PDLIM5: variants seen among roughly 807,000 people sequenced by gnomAD.
PDLIM5 encodes PDZ and LIM domain 5.
Under a neutral mutation model 64.2 loss-of-function variants are expected in PDLIM5, and 34 were observed. That is an observed-to-expected ratio of 0.53 (90% CI 0.40 to 0.71). The LOEUF (loss-of-function observed/expected upper bound fraction) is 0.71. Ranked by LOEUF, PDLIM5 falls within the 30% of genes least tolerant of loss-of-function variation. PDLIM5 has a pLI of 0.00. For synonymous variants in PDLIM5, 253 were observed against 269.1 expected (o/e 0.94, Z 0.59); for missense variants, 683 against 733.6 (o/e 0.93, Z 0.80).
rs545279046 is a variant in PDLIM5 at position 94,656,066 on chromosome 4, TA to T, written c.1465-1357del. 2.7e-4 allele frequency among the ~76,000 whole-genome samples: 41 copies of T among 152,248 alleles called. No individual in the cohort carries two copies. The South Asian group carries it at 8.5e-3, about 32-fold the overall frequency. On this transcript the variant is annotated intron_variant, in intron 10 of 12. Coordinates refer to ENST00000317968, the MANE Select transcript of PDLIM5 (RefSeq NM_006457.5). ...TTTCATTTTATTTTGATATTTTTTA[TA>T]AAAGAAAATAGTTCACTCAAGCACA...
At chr4:94,622,377 C>T (rs1026673781) in intron 8 of PDLIM5, among the ~76,000 whole-genome samples, 4 of 152,122 alleles carry the variant, frequency 2.6e-5, no homozygotes, top group African/African-American at 9.7e-5. Flanking sequence ...AAATGTTTTT[C>T]ACAAATTCAG....
In PDLIM5 at chr4:94,523,882, TG is replaced by T. The variant is rs1437929258; in HGVS notation, c.248+8del. 3.1e-6 allele frequency: 5 copies of T among 1,607,230 alleles called. No homozygotes were observed. In the African/African-American group the frequency reaches 6.7e-5, roughly 22 times the overall value. Reference sequence around the variant, plus strand: ...TGAATATGACTCTGCAAAGGTAAGTTGCTTTTTGTTTGTCCCTGAAAGAGAA... The same window carrying T: ...TGAATATGACTCTGCAAAGGTAAGTTCTTTTTGTTTGTCCCTGAAAGAGAA... On this transcript the variant is annotated splice_region_variant and intron_variant, in intron 3 of 12. Transcript: ENST00000317968.
intron 3 of PDLIM5, among the ~76,000 whole-genome samples, chr4:94,525,946 A>C (rs1730314996): frequency 6.6e-6 from 1 of 152,216 alleles, no homozygotes; most frequent in Non-Finnish European, 1.5e-5. Context: ...AGTTGTTACT[A>C]ATCACATGAA....
chr4:94,533,598 G>C (rs1010457469), intron 3 of PDLIM5, among the ~76,000 whole-genome samples: 2 of 152,184 alleles, frequency 1.3e-5, no homozygotes, highest in African/African-American at 4.8e-5. Flanking sequence ...TGTGACCTTA[G>C]GCAGGTTATG....
In PDLIM5 at chr4:94,662,467, C is replaced by T. The variant is rs775495144; in HGVS notation, c.1631C>T (p.Pro544Leu). Residue 544 changes from proline to leucine, a missense_variant, in exon 12 of 13, where the codon CCC (proline) becomes CTC (leucine). Transcript: ENST00000317968. ...ACTATATGCCATGGATGTGAATTTCCCATAGAAGCTGGTGACATGTTCCTG... is the reference window on the plus strand; with the variant it reads ...ACTATATGCCATGGATGTGAATTTCTCATAGAAGCTGGTGACATGTTCCTG... ...FGTICHGCEF[P>L]IEAGDMFLEA... is the part of the protein sequence containing the mutation. 2.0e-5 allele frequency: 32 copies of T among 1,605,730 alleles called. No individual in the cohort carries two copies. The East Asian group carries it at 6.9e-4, about 35-fold the overall frequency.
At chr4:94,661,708 T>C (rs948441203) in intron 11 of PDLIM5, among the ~76,000 whole-genome samples, 1 of 152,212 alleles carries the variant, frequency 6.6e-6, no homozygotes, top group African/African-American at 2.4e-5. Flanking sequence ...AATTTGCCAA[T>C]ATCAGATTTT....
chr4:94,544,105 C>T (rs530673236), intron 3 of PDLIM5, among the ~76,000 whole-genome samples: 1 of 152,190 alleles, frequency 6.6e-6, no homozygotes. Flanking sequence ...TTTGGCATTC[C>T]TTGCAGTTGC....
At chr4:94,482,813 CA>C (rs1725987215) in intron 2 of PDLIM5, among the ~76,000 whole-genome samples, 1 of 152,042 alleles carries the variant, frequency 6.6e-6, no homozygotes, top group Non-Finnish European at 1.5e-5. Flanking sequence ...CACTTGGGCC[CA>C]GGGGGTCAAG....
At chr4:94,524,486 C>T (rs1419703615) in intron 3 of PDLIM5, among the ~76,000 whole-genome samples, 3 of 150,250 alleles carry the variant, frequency 2.0e-5, no homozygotes, top group Admixed American at 2.0e-4. Context: ...AAATTCTGAG[C>T]ATTATATTAA....
intron 3 of PDLIM5, among the ~76,000 whole-genome samples, chr4:94,556,062 C>T (rs896910687): frequency 6.7e-6 from 1 of 149,948 alleles, no homozygotes; most frequent in East Asian, 1.9e-4. Context: ...CGCCTCCCCC[C>T]ACCCCACAAC....
At chr4:94,508,941 G>C (rs968061950) in intron 2 of PDLIM5, among the ~76,000 whole-genome samples, 3 of 152,026 alleles carry the variant, frequency 2.0e-5, no homozygotes, top group African/African-American at 7.3e-5. Flanking sequence ...TCATATCATC[G>C]TGTCTTTCAC....
chr4:94,553,011 G>A (rs1193121231), intron 3 of PDLIM5, among the ~76,000 whole-genome samples: 1 of 144,142 alleles, frequency 6.9e-6, no homozygotes, highest in African/African-American at 2.5e-5. Context: ...TTCTTTTTTT[G>A]CCCCTCCCCT....
chr4:94,493,607 A>G (rs1356897458), intron 2 of PDLIM5, among the ~76,000 whole-genome samples: 2 of 152,240 alleles, frequency 1.3e-5, no homozygotes, highest in African/African-American at 4.8e-5. Context: ...TACCATAAAG[A>G]TGATAATTTA....
intron 2 of PDLIM5, among the ~76,000 whole-genome samples, chr4:94,487,155 A>G (rs113670427): frequency 0.011 from 1,628 of 152,252 alleles, 30 homozygotes; most frequent in African/African-American, 0.037. Context: ...GAAAATAACA[A>G]CTATTCTTTT....
At chr4:94,489,584 C>T (rs1726673030) in intron 2 of PDLIM5, among the ~76,000 whole-genome samples, 1 of 151,606 alleles carries the variant, frequency 6.6e-6, no homozygotes, top group Admixed American at 6.6e-5. Context: ...TTATCTAAAA[C>T]TTAAGGTTTA....
chr4:94,453,217 C>T (rs1578180167), intron 1 of PDLIM5, among the ~76,000 whole-genome samples: 1 of 152,268 alleles, frequency 6.6e-6, no homozygotes, highest in East Asian at 1.9e-4. Flanking sequence ...TTCCTGCCTG[C>T]TTGGTATTTG....
intron 2 of PDLIM5, among the ~76,000 whole-genome samples, chr4:94,473,121 G>C (rs1725021515): frequency 6.6e-6 from 1 of 152,204 alleles, no homozygotes; most frequent in Admixed American, 6.5e-5. Context: ...CAGAGATCTG[G>C]ATAAAGTCCA....
At chr4:94,491,222 G>C (rs1002353068) in intron 2 of PDLIM5, among the ~76,000 whole-genome samples, 1 of 152,140 alleles carries the variant, frequency 6.6e-6, no homozygotes, top group Non-Finnish European at 1.5e-5. Flanking sequence ...CTGGCACCTA[G>C]CATTTGTACT....
At chr4:94,476,289 G>A (rs1218356030) in intron 2 of PDLIM5, among the ~76,000 whole-genome samples, 1 of 151,868 alleles carries the variant, frequency 6.6e-6, no homozygotes, top group Non-Finnish European at 1.5e-5. Context: ...AAACCTTTCT[G>A]GACACGTAAA....
Sources: gnomAD v4.1 joint callset for allele counts (sites outside exome capture counted in the v4.1 genomes callset) on GRCh38, gnomAD v4.1.1 for gene constraint, MANE v1.5 for transcripts, NCBI Gene and HGNC (gene_info 2026-07-23, HGNC 2026-07-21) for gene names.